The following RYR2 variants were observed in gnomAD, a reference collection of about 807,000 sequenced individuals.
The protein encoded by RYR2 is ryanodine receptor 2, also known as cardiac muscle ryanodine receptor-calcium release channel.
Under a neutral mutation model 601.1 loss-of-function variants are expected in RYR2, and 227 were observed. The ratio of observed to expected loss-of-function variants is 0.38; its 90% CI spans 0.34 to 0.42. The LOEUF (loss-of-function observed/expected upper bound fraction) is 0.42. Among genes scored for constraint, RYR2 ranks in the 10% least tolerant of loss-of-function variants. The probability of loss-of-function intolerance (pLI) is 1.00; values close to 1 mark genes in which losing one functional copy is unlikely to be tolerated. For missense variants in RYR2, 4,646 were observed against 6,156.5 expected, an observed-to-expected ratio of 0.75 and a Z score of 8.21; for synonymous variants, 2,223 against 2,175.1, an observed-to-expected ratio of 1.02 and a Z score of -0.61.
intron 29 of RYR2, among the ~76,000 whole-genome samples, chr1:237,577,765 CA>C (rs1480923922): frequency 6.6e-6 from 1 of 152,034 alleles, no homozygotes; most frequent in African/African-American, 2.4e-5. Flanking sequence ...GTGTCACAAA[CA>C]AAAGTTTATC....
At chr1:237,825,471 G>T (rs979195871) in intron 101 of RYR2, among the ~76,000 whole-genome samples, 1 of 152,082 alleles carries the variant, frequency 6.6e-6, no homozygotes. Flanking sequence ...TATGCAGAAA[G>T]CTGAAACTGG....
chr1:237,469,174 G>C lies in RYR2; in HGVS notation c.1695G>C (p.Leu565=). 1 of 1,602,132 alleles carries C rather than the reference G, an allele frequency of 6.2e-7. No individual in the cohort carries two copies. Among genetic ancestry groups the C allele is most frequent in the South Asian group, 1.1e-5 (1 of 89,508 alleles). ...LDWLISRLER[L]EASSGILEVL... ...GGTTGATCAGCAGATTGGAAAGACTGGAAGCTTCTTCAGGTATGTTTTCTA... is the reference window on the plus strand; with the variant it reads ...GGTTGATCAGCAGATTGGAAAGACTCGAAGCTTCTTCAGGTATGTTTTCTA... The change falls in exon 17 of 105, where the codon CTG becomes CTC. Residue 565 remains leucine (L), a synonymous_variant. Transcript: ENST00000366574.
chr1:237,391,076 T>C lies in RYR2; in HGVS notation c.773+2893T>C, dbSNP rs546109042. On this transcript the variant is annotated intron_variant, in intron 10 of 104. Transcript: ENST00000366574. ...TTGAGCAATTATTTGAATAGAATGA[T>C]AAAAATAATTCCTTGAATTTCACAA... 8.5e-5 allele frequency among the ~76,000 whole-genome samples: 13 copies of C among 152,278 alleles called. No individual in the cohort carries two copies. The South Asian group carries it at 2.7e-3, about 32-fold the overall frequency.
chr1:237,439,571 G>A (rs1037738512), intron 12 of RYR2, among the ~76,000 whole-genome samples: 1 of 151,958 alleles, frequency 6.6e-6, no homozygotes, highest in African/African-American at 2.4e-5. Flanking sequence ...TTGGAACCAG[G>A]AGGCTGAGGT....
chr1:237,434,779 A>T (rs946807258), intron 12 of RYR2, among the ~76,000 whole-genome samples: 1 of 152,130 alleles, frequency 6.6e-6, no homozygotes, highest in South Asian at 2.1e-4. Context: ...GTAAAATATA[A>T]AACTTTTTTT....
intron 51 of RYR2, among the ~76,000 whole-genome samples, chr1:237,652,847 T>C (rs1267131787): frequency 1.3e-5 from 2 of 152,182 alleles, no homozygotes; most frequent in Non-Finnish European, 1.5e-5. Context: ...ATTTCATCAT[T>C]TGTGACTCCT....
intron 2 of RYR2, among the ~76,000 whole-genome samples, chr1:237,289,761 T>C (rs140294839): frequency 1.3e-5 from 2 of 152,336 alleles, no homozygotes; most frequent in Admixed American, 1.3e-4. Flanking sequence ...TTATACATAA[T>C]TAAAAAATTC....
intron 78 of RYR2, among the ~76,000 whole-genome samples, chr1:237,733,196 T>G (rs2149172883): frequency 6.6e-6 from 1 of 152,292 alleles, no homozygotes; most frequent in Non-Finnish European, 1.5e-5. Context: ...TGGTGGAAAC[T>G]TTTCTTCACG....
At chr1:237,140,641 A>C (rs958249050) in intron 1 of RYR2, among the ~76,000 whole-genome samples, 23 of 152,214 alleles carry the variant, frequency 1.5e-4, no homozygotes, top group African/African-American at 5.3e-4. Flanking sequence ...AGGCACTCCT[A>C]GTTGGTGGAG....
At chr1:237,427,780 CTCAAAAA>C in intron 12 of RYR2, among the ~76,000 whole-genome samples, 1 of 64,276 alleles carries the variant, frequency 1.6e-5, no homozygotes, top group African/African-American at 7.9e-5. Flanking sequence ...AAGACTCTGC[CTCAAAAA>C]AAAAAAAAAA....
At chr1:237,561,813 G>C (rs2148203475) in intron 27 of RYR2, among the ~76,000 whole-genome samples, 1 of 152,320 alleles carries the variant, frequency 6.6e-6, no homozygotes, top group South Asian at 2.1e-4. Flanking sequence ...GGAAGGGACA[G>C]ATTGGAGGGG....
intron 2 of RYR2, among the ~76,000 whole-genome samples, chr1:237,292,980 A>G (rs1692391455): frequency 6.8e-6 from 1 of 147,372 alleles, no homozygotes; most frequent in Non-Finnish European, 1.5e-5. Context: ...AGTTCTGATG[A>G]AAAAAAAAAA....
intron 73 of RYR2, among the ~76,000 whole-genome samples, chr1:237,719,298 T>C (rs917649355): frequency 2.6e-5 from 4 of 152,134 alleles, no homozygotes; most frequent in African/African-American, 9.7e-5. Context: ...TAATTAAATA[T>C]ATATTTTTAA....
chr1:237,799,491 A>G (rs1659696569), intron 97 of RYR2, among the ~76,000 whole-genome samples: 1 of 150,236 alleles, frequency 6.7e-6, no homozygotes, highest in East Asian at 1.9e-4. Flanking sequence ...ATAGTTTTCT[A>G]CCATTATACA....
At chr1:237,055,789 A>G (rs567396388) in intron 1 of RYR2, among the ~76,000 whole-genome samples, 4 of 152,320 alleles carry the variant, frequency 2.6e-5, no homozygotes, top group African/African-American at 9.6e-5. Context: ...GGGTCTTTAC[A>G]GAAGGAATCA....
At chr1:237,280,354 T>G (rs1690732572) in intron 2 of RYR2, among the ~76,000 whole-genome samples, 1 of 152,186 alleles carries the variant, frequency 6.6e-6, no homozygotes, top group Non-Finnish European at 1.5e-5. Context: ...ATAAAACAAT[T>G]ATAAGGAAAT....
At chr1:237,415,253 A>T (rs569276736) in intron 10 of RYR2, among the ~76,000 whole-genome samples, 37 of 152,306 alleles carry the variant, frequency 2.4e-4, no homozygotes, top group African/African-American at 8.7e-4. Context: ...GTGAGGGTGC[A>T]CATAAGGATT....
intron 1 of RYR2, among the ~76,000 whole-genome samples, chr1:237,115,257 C>T (rs2148612261): frequency 6.6e-6 from 1 of 152,188 alleles, no homozygotes; most frequent in Non-Finnish European, 1.5e-5. Flanking sequence ...TGCTCTGGGC[C>T]AGTTGGCAGC....
At chr1:237,199,244 G>A (rs1402868939) in intron 1 of RYR2, among the ~76,000 whole-genome samples, 3 of 152,168 alleles carry the variant, frequency 2.0e-5, no homozygotes, top group Non-Finnish European at 4.4e-5. Context: ...TGACTCATAC[G>A]ATCACAAGGT....
Sources: gnomAD v4.1 joint callset for allele counts (sites outside exome capture counted in the v4.1 genomes callset) on GRCh38, gnomAD v4.1.1 for gene constraint, MANE v1.5 for transcripts, NCBI Gene and HGNC (gene_info 2026-07-23, HGNC 2026-07-21) for gene names.